The following CNTN4 variants were observed in gnomAD, a reference collection of about 807,000 sequenced individuals.
The protein encoded by CNTN4 is contactin 4.
CNTN4 carries 77 observed loss-of-function variants against 122.5 expected under a neutral mutation model. The ratio of observed to expected loss-of-function variants is 0.63; its 90% CI spans 0.52 to 0.76. The LOEUF is 0.76. Among genes scored for constraint, CNTN4 ranks in the 30% least tolerant of loss-of-function variants. The pLI is 0.00. For synonymous variants in CNTN4, 512 were observed against 447.0 expected (o/e 1.15, Z -1.83); for missense variants, 1,256 against 1,259.1 (o/e 1.00, Z 0.04).
intron 1 of CNTN4, chr3:2,099,465 A>T (rs1489310621): frequency 1.3e-5 from 2 of 152,520 alleles, no homozygotes; most frequent in Admixed American, 1.3e-4. Context: ...AGCCCGCAGC[A>T]GAGGGACGCG....
chr3:2,850,077 C>T (rs750795384), intron 7 of CNTN4, among the ~76,000 whole-genome samples: 1 of 151,680 alleles, frequency 6.6e-6, no homozygotes, highest in Non-Finnish European at 1.5e-5. Context: ...GCAAGCTCCA[C>T]CTCCCGAGTT....
Position 2,265,192 on chromosome 3 carries a change from C to T in CNTN4, c.-144-73986C>T, listed in dbSNP as rs1030609130. ...CAGATTGCTGTGAATGCAATTATTT[C>T]GTTCCTTTTTATGGTTAAGTAGTAT... On this transcript the variant is annotated intron_variant, in intron 2 of 24. Coordinates refer to ENST00000418658, the MANE Select transcript of CNTN4 (RefSeq NM_175607.3). 6.3e-5 allele frequency among the ~76,000 whole-genome samples: 7 copies of T among 111,534 alleles called. No homozygotes were observed. The South Asian group carries it at 1.9e-3, about 31-fold the overall frequency. 73.2% of individuals were successfully genotyped at this position (111,534 alleles called of 152,430 possible).
chr3:2,992,648 T>C (rs1695155014), intron 14 of CNTN4, among the ~76,000 whole-genome samples: 1 of 152,202 alleles, frequency 6.6e-6, no homozygotes, highest in Non-Finnish European at 1.5e-5. Context: ...TGTTTGGATG[T>C]AGTTCAACAA....
rs867273619 is a variant in CNTN4 at position 2,840,571 on chromosome 3, C to T, written c.454+20990C>T. Among the ~76,000 whole-genome samples the T allele has an allele frequency of 2.4e-4, 14 of 59,428 alleles. 4 individuals carry two copies. Among genetic ancestry groups the T allele is most frequent in the Admixed American group, 4.5e-4 (2 of 4,488 alleles). 39.0% of individuals were successfully genotyped at this position (59,428 alleles called of 152,430 possible). On this transcript the variant is annotated intron_variant, in intron 7 of 24. Transcript: ENST00000418658. ...AAAATTAGCCGGGCGCGGTGATGGGCGCCTGTAGTCCCAGCTACTCGGGAG... is the reference window on the plus strand; with the variant it reads ...AAAATTAGCCGGGCGCGGTGATGGGTGCCTGTAGTCCCAGCTACTCGGGAG...
intron 2 of CNTN4, among the ~76,000 whole-genome samples, chr3:2,302,839 A>G (rs1051803479): frequency 1.0e-4 from 15 of 149,662 alleles, no homozygotes; most frequent in Admixed American, 6.0e-4. Context: ...ATTTGTACCT[A>G]GCAATGCCAA....
At chr3:2,374,463 G>T (rs1367169826) in intron 3 of CNTN4, among the ~76,000 whole-genome samples, 11 of 152,084 alleles carry the variant, frequency 7.2e-5, no homozygotes. Flanking sequence ...TCATTAGATT[G>T]CTTGAGTATG....
intron 4 of CNTN4, among the ~76,000 whole-genome samples, chr3:2,618,997 A>C (rs886333799): frequency 6.6e-6 from 1 of 152,216 alleles, no homozygotes; most frequent in Non-Finnish European, 1.5e-5. Context: ...AATACAGGAT[A>C]TGTTCCTTGA....
chr3:2,321,949 C>T (rs2043289693), intron 2 of CNTN4, among the ~76,000 whole-genome samples: 1 of 152,040 alleles, frequency 6.6e-6, no homozygotes, highest in Admixed American at 6.5e-5. Flanking sequence ...TAATATAAAC[C>T]AGGCACTGTG....
chr3:2,805,325 G>T (rs990945052), intron 6 of CNTN4, among the ~76,000 whole-genome samples: 12 of 152,180 alleles, frequency 7.9e-5, no homozygotes, highest in African/African-American at 2.9e-4. Flanking sequence ...AATTGGAGTT[G>T]TGCTAGAATT....
intron 4 of CNTN4, among the ~76,000 whole-genome samples, chr3:2,586,801 C>G (rs1319952323): frequency 5.9e-5 from 9 of 152,168 alleles, no homozygotes; most frequent in Admixed American, 5.2e-4. Flanking sequence ...GTGATTTCTG[C>G]TTTCCCTCAA....
chr3:2,191,950 G>T (rs1014578949), intron 2 of CNTN4, among the ~76,000 whole-genome samples: 1 of 151,318 alleles, frequency 6.6e-6, no homozygotes, highest in South Asian at 2.1e-4. Flanking sequence ...TCATTGTTCA[G>T]TTCCCACCTA....
At chr3:2,898,975 A>C (rs2094143771) in intron 10 of CNTN4, among the ~76,000 whole-genome samples, 1 of 152,210 alleles carries the variant, frequency 6.6e-6, no homozygotes, top group South Asian at 2.1e-4. Context: ...TTAAGGGTGT[A>C]GGTTATAACC....
In CNTN4 at chr3:2,887,181, T is replaced by C. The variant is rs1442598431; in HGVS notation, c.897T>C (p.Asn299=). ...GTTTATATGAATGTGTAGCTGAAAA[T>C]TCCAGAGGGAAAAATGTAGCAAGGG... ...DAGLYECVAE[N]SRGKNVARGQ... The change falls in exon 10 of 25, where the codon AAT becomes AAC. Residue 299 remains asparagine (N), a synonymous_variant. Coordinates refer to ENST00000418658, the MANE Select transcript of CNTN4 (RefSeq NM_175607.3). 2.5e-6 allele frequency: 4 copies of C among 1,614,028 alleles called. No individual in the cohort carries two copies. The highest frequency in any genetic ancestry group is 3.4e-6 in the Non-Finnish European group (4 of 1,180,024).
chr3:3,030,690 A>G (rs1424730693), intron 15 of CNTN4, among the ~76,000 whole-genome samples, 165 bp from the exon 16 acceptor site: 1 of 152,234 alleles, frequency 6.6e-6, no homozygotes. Context: ...CGGTGTTCCC[A>G]TCTCTCAGGC....
intron 3 of CNTN4, among the ~76,000 whole-genome samples, chr3:2,458,623 C>T (rs1296467536): frequency 2.1e-5 from 3 of 144,052 alleles, no homozygotes; most frequent in Non-Finnish European, 3.2e-5. Flanking sequence ...CAAGAATGTG[C>T]GATTTTTTTT....
chr3:2,888,114 C>T (rs930490864), intron 10 of CNTN4, among the ~76,000 whole-genome samples: 1 of 152,172 alleles, frequency 6.6e-6, no homozygotes, highest in African/African-American at 2.4e-5. Context: ...ATTGATCCCA[C>T]AAAAGTCTAT....
intron 4 of CNTN4, among the ~76,000 whole-genome samples, chr3:2,611,168 A>G (rs1174357668): frequency 6.6e-6 from 1 of 151,944 alleles, no homozygotes; most frequent in Admixed American, 6.6e-5. Flanking sequence ...AAAGTGATGG[A>G]CTTCAAACTC....
intron 3 of CNTN4, among the ~76,000 whole-genome samples, chr3:2,344,558 G>A (rs62244014): frequency 1.3e-5 from 2 of 152,042 alleles, no homozygotes; most frequent in African/African-American, 4.8e-5. Context: ...GATTACAAGC[G>A]TGAGCCACGG....
At chr3:2,175,677 G>T (rs2036719051) in intron 2 of CNTN4, among the ~76,000 whole-genome samples, 2 of 152,102 alleles carry the variant, frequency 1.3e-5, no homozygotes, top group Non-Finnish European at 2.9e-5. Flanking sequence ...ATGATGTAAT[G>T]AACCAGAGGT....
Sources: gnomAD v4.1 joint callset for allele counts (sites outside exome capture counted in the v4.1 genomes callset) on GRCh38, gnomAD v4.1.1 for gene constraint, MANE v1.5 for transcripts, NCBI Gene and HGNC (gene_info 2026-07-23, HGNC 2026-07-21) for gene names.